Variants in CACNA2D3 observed in about 807,000 individuals in gnomAD.
The protein encoded by CACNA2D3 is calcium voltage-gated channel auxiliary subunit alpha2delta 3, also known as voltage-dependent calcium channel subunit alpha-2/delta-3.
In CACNA2D3, 60 loss-of-function variants were observed where a neutral mutation model predicts 160.6. That is an observed-to-expected ratio of 0.37 (90% CI 0.30 to 0.46). The LOEUF (loss-of-function observed/expected upper bound fraction) is 0.46, where lower values mean the gene tolerates loss of function less well. CACNA2D3 is among the 20% of genes least tolerant of loss of function. The pLI is 1.00. For missense variants in CACNA2D3, 1,205 were observed against 1,365.0 expected (o/e 0.88, Z 1.85); for synonymous variants, 558 against 492.9 (o/e 1.13, Z -1.75).
intron 4 of CACNA2D3, among the ~76,000 whole-genome samples, chr3:54,402,002 G>T (rs1297070392): frequency 6.6e-6 from 1 of 152,126 alleles, no homozygotes; most frequent in Non-Finnish European, 1.5e-5. Flanking sequence ...ATTGTTGGGA[G>T]AGGGCAAAAG....
intron 2 of CACNA2D3, among the ~76,000 whole-genome samples, chr3:54,196,304 A>G (rs1199681805): frequency 6.6e-6 from 1 of 152,226 alleles, no homozygotes; most frequent in East Asian, 1.9e-4. Context: ...AGATGTCACA[A>G]AGTGATTGGT....
intron 5 of CACNA2D3, among the ~76,000 whole-genome samples, chr3:54,536,897 C>A (rs562141807): frequency 6.6e-6 from 1 of 152,320 alleles, no homozygotes; most frequent in South Asian, 2.1e-4. Flanking sequence ...GAAGTCCCTT[C>A]CCCTTTCCCA....
chr3:54,994,945 T>C (rs1702823426), intron 31 of CACNA2D3, among the ~76,000 whole-genome samples: 1 of 152,172 alleles, frequency 6.6e-6, no homozygotes, highest in African/African-American at 2.4e-5. Flanking sequence ...CCTTAAGAGA[T>C]AGAGAAAGAA....
At chr3:54,561,840 A>G (rs900686197) in intron 5 of CACNA2D3, among the ~76,000 whole-genome samples, 3 of 152,210 alleles carry the variant, frequency 2.0e-5, no homozygotes, top group African/African-American at 7.2e-5. Flanking sequence ...TATAAAGGAA[A>G]GAGGTTTAAC....
intron 2 of CACNA2D3, among the ~76,000 whole-genome samples, chr3:54,238,008 A>G (rs1291296111): frequency 6.6e-6 from 1 of 152,186 alleles, no homozygotes; most frequent in African/African-American, 2.4e-5. Context: ...TCCCAGTCAC[A>G]TGAAACCTGT....
At chr3:54,180,352 T>C (rs1413955708) in intron 2 of CACNA2D3, among the ~76,000 whole-genome samples, 1 of 152,182 alleles carries the variant, frequency 6.6e-6, no homozygotes. Flanking sequence ...TGCTTTGTCC[T>C]CACAACAGCC....
chr3:54,745,183 A>C lies in CACNA2D3; in HGVS notation c.1168-7416A>C, dbSNP rs577740714. ...GGGCAGAGAGAGAGATCTAGAGGGC[A>C]GGAGCCTTTATTGTGTTTTCCATGG... On this transcript the variant is annotated intron_variant, in intron 11 of 37. Transcript: ENST00000474759. Among the ~76,000 whole-genome samples the C allele has an allele frequency of 2.0e-5, 3 of 152,066 alleles. No homozygotes were observed. The South Asian group carries it at 6.2e-4, about 31-fold the overall frequency.
chr3:54,471,497 GA>G, intron 4 of CACNA2D3, among the ~76,000 whole-genome samples: 1 of 152,090 alleles, frequency 6.6e-6, no homozygotes, highest in Middle Eastern at 3.4e-3. Flanking sequence ...AAGAACTAGA[GA>G]AACAAGAGCA....
intron 3 of CACNA2D3, among the ~76,000 whole-genome samples, chr3:54,329,335 A>G (rs953023967): frequency 6.6e-6 from 1 of 152,148 alleles, no homozygotes; most frequent in Non-Finnish European, 1.5e-5. Context: ...ATTGACTTAC[A>G]GGCCTTTGTC....
intron 2 of CACNA2D3, among the ~76,000 whole-genome samples, chr3:54,210,536 C>T (rs1230442641): frequency 6.6e-6 from 1 of 151,956 alleles, no homozygotes; most frequent in Non-Finnish European, 1.5e-5. Context: ...GGTAAGGTCA[C>T]CGGACTTCTG....
chr3:54,376,440 G>T (rs780739689), intron 3 of CACNA2D3, among the ~76,000 whole-genome samples: 1 of 152,180 alleles, frequency 6.6e-6, no homozygotes, highest in Non-Finnish European at 1.5e-5. Context: ...AGTTAGGATG[G>T]TATCTGTGCT....
chr3:54,894,158 G>GTATCCAGGAGGAGACTTTCACCT (rs1297990898), intron 25 of CACNA2D3, among the ~76,000 whole-genome samples: 5 of 152,168 alleles, frequency 3.3e-5, no homozygotes, highest in Admixed American at 3.3e-4. Context: ...ATAGCTCCTA[G>GTATCCAGGAGGAGACTTTCACCT]TATCCAGGAG....
intron 3 of CACNA2D3, among the ~76,000 whole-genome samples, chr3:54,333,133 GT>G (rs368928376): frequency 2.0e-5 from 3 of 151,328 alleles, no homozygotes; most frequent in East Asian, 1.9e-4. Flanking sequence ...AAGACAAGGG[GT>G]TTTTTTTTCC....
At chr3:54,951,304 G>A (rs541200917) in intron 27 of CACNA2D3, among the ~76,000 whole-genome samples, 5 of 152,180 alleles carry the variant, frequency 3.3e-5, no homozygotes, top group African/African-American at 9.7e-5. Context: ...TAGCCAAGCC[G>A]CAGACAAGAT....
chr3:54,779,568 G>T (rs146461350), intron 13 of CACNA2D3, among the ~76,000 whole-genome samples: 2 of 152,052 alleles, frequency 1.3e-5, no homozygotes, highest in Non-Finnish European at 2.9e-5. Context: ...CCTCACCATC[G>T]CTGGCCATTC....
At chr3:54,925,802 T>A (rs1333884042) in intron 27 of CACNA2D3, among the ~76,000 whole-genome samples, 3 of 152,198 alleles carry the variant, frequency 2.0e-5, no homozygotes, top group African/African-American at 4.8e-5. Context: ...TAAACAACAG[T>A]AGCCACATGT....
chr3:54,541,777 G>A (rs1006641240), intron 5 of CACNA2D3, among the ~76,000 whole-genome samples: 2 of 152,186 alleles, frequency 1.3e-5, no homozygotes, highest in Admixed American at 6.5e-5. Context: ...GGCAGGCAAT[G>A]TGTAGTCCTG....
At chr3:54,148,198 C>T (rs1352728011) in intron 2 of CACNA2D3, among the ~76,000 whole-genome samples, 1 of 152,228 alleles carries the variant, frequency 6.6e-6, no homozygotes, top group East Asian at 1.9e-4. Context: ...ATTCTTGCTA[C>T]CCTTCCATAT....
intron 13 of CACNA2D3, among the ~76,000 whole-genome samples, chr3:54,772,735 AAGTCATGCAT>A (rs1702342982): frequency 6.6e-6 from 1 of 152,220 alleles, no homozygotes; most frequent in Admixed American, 6.5e-5. Flanking sequence ...ATATGAATAC[AAGTCATGCAT>A]AGTCATTATC....
Sources: gnomAD v4.1 joint callset for allele counts (sites outside exome capture counted in the v4.1 genomes callset) on GRCh38, gnomAD v4.1.1 for gene constraint, MANE v1.5 for transcripts, NCBI Gene and HGNC (gene_info 2026-07-23, HGNC 2026-07-21) for gene names.